Variants in LMBR1 observed in about 807,000 individuals in gnomAD.
LMBR1 encodes limb region 1 protein homolog.
LMBR1 carries 52 observed loss-of-function variants against 73.9 expected under a neutral mutation model. The observed-to-expected ratio is 0.70, with a 90% CI of 0.56 to 0.89. The LOEUF is 0.89. Among genes scored for constraint, LMBR1 ranks in the 40% least tolerant of loss-of-function variants. LMBR1 has a pLI of 0.00. For synonymous variants in LMBR1, 215 were observed against 209.4 expected, an observed-to-expected ratio of 1.03 and a Z score of -0.23; for missense variants, 539 against 579.8, an observed-to-expected ratio of 0.93 and a Z score of 0.72.
At chr7:156,830,068 T>A (rs1161439508) in intron 3 of LMBR1, among the ~76,000 whole-genome samples, 2 of 152,180 alleles carry the variant, frequency 1.3e-5, no homozygotes, top group Non-Finnish European at 2.9e-5. Flanking sequence ...ATCCATCAGA[T>A]CCTTTTTAAT....
chr7:156,871,763 A>C (rs1298137489), intron 1 of LMBR1, among the ~76,000 whole-genome samples: 1 of 152,244 alleles, frequency 6.6e-6, no homozygotes, highest in Non-Finnish European at 1.5e-5. Flanking sequence ...AAAAACTGTC[A>C]ACAAACTACA....
At chr7:156,713,647 G>C (rs1812576390) in intron 15 of LMBR1, among the ~76,000 whole-genome samples, 1 of 152,178 alleles carries the variant, frequency 6.6e-6, no homozygotes, top group South Asian at 2.1e-4. Flanking sequence ...TCTGAGGGGA[G>C]AAATGTTTGG....
intron 4 of LMBR1, among the ~76,000 whole-genome samples, chr7:156,810,863 C>T (rs1832973648): frequency 6.6e-6 from 1 of 151,652 alleles, no homozygotes; most frequent in South Asian, 2.1e-4. Context: ...GGCTGGAGTA[C>T]AGTGGCGCAA....
intron 12 of LMBR1, chr7:156,726,067 A>C: frequency 2.6e-6 from 1 of 390,694 alleles, no homozygotes; most frequent in Non-Finnish European, 4.6e-6. Context: ...CTTATCTCAA[A>C]TGTAATTTAA....
chr7:156,810,355 CA>C (rs1832883953), intron 4 of LMBR1, among the ~76,000 whole-genome samples: 1 of 152,174 alleles, frequency 6.6e-6, no homozygotes, highest in South Asian at 2.1e-4. Flanking sequence ...CTGGCCCAAA[CA>C]CCTCCCACTA....
At chr7:156,759,126 G>A (rs1485692066) in intron 8 of LMBR1, among the ~76,000 whole-genome samples, 3 of 152,188 alleles carry the variant, frequency 2.0e-5, no homozygotes, top group Admixed American at 1.3e-4. Context: ...AGTCATAACC[G>A]TGGCTTAAAT....
intron 4 of LMBR1, chr7:156,822,216 T>C (rs1029206292): frequency 2.0e-5 from 3 of 152,110 alleles, no homozygotes; most frequent in Admixed American, 1.3e-4. Context: ...AAACAGAAAG[T>C]AAAACTCAGC....
chr7:156,675,811 A>T (rs766800480), downstream of LMBR1: 3 of 1,614,142 alleles, frequency 1.9e-6, no homozygotes, highest in Non-Finnish European at 2.5e-6. Context: ...CAGTTGGAAG[A>T]AAAATGTGGC....
chr7:156,846,667 T>C (rs1421399339), intron 1 of LMBR1, among the ~76,000 whole-genome samples: 1 of 152,166 alleles, frequency 6.6e-6, no homozygotes, highest in Non-Finnish European at 1.5e-5. Context: ...GCAAGTTATT[T>C]TGTAGATATC....
At chr7:156,689,314 T>TATAGAATAGAATAACAAAGAAAGAATAG (rs778701316) in intron 15 of LMBR1, among the ~76,000 whole-genome samples, 23 of 152,300 alleles carry the variant, frequency 1.5e-4, no homozygotes, top group Non-Finnish European at 2.8e-4. Context: ...TTAGAATAAG[T>TATAGAATAGAATAACAAAGAAAGAATAG]AATAACAATC....
In LMBR1 at chr7:156,734,967, A is replaced by G. The variant is rs190422638; in HGVS notation, c.758-710T>C. 3.2e-3 allele frequency among the ~76,000 whole-genome samples: 482 copies of G among 152,356 alleles called. 2 individuals carry two copies. Among genetic ancestry groups the G allele is most frequent in the African/African-American group, 0.011 (454 of 41,580 alleles). On this transcript the variant is annotated intron_variant, in intron 9 of 16. Coordinates refer to ENST00000353442, the MANE Select transcript of LMBR1 (RefSeq NM_022458.4). ...TTACCATTTGCTTTCCTAGTCAATT[A>G]TATGTCCAAGTTGACAGCTGAATAA...
chr7:156,779,751 C>T, intron 5 of LMBR1: 1 of 1,210,120 alleles, frequency 8.3e-7, no homozygotes, highest in Non-Finnish European at 1.1e-6. Flanking sequence ...GATGTAAAAA[C>T]CACTTCATAC....
At chr7:156,687,435 T>G (rs1806215061) in intron 16 of LMBR1, among the ~76,000 whole-genome samples, 1 of 152,214 alleles carries the variant, frequency 6.6e-6, no homozygotes, top group Non-Finnish European at 1.5e-5. Flanking sequence ...TAAAAATACA[T>G]TCATAGGTTA....
intron 12 of LMBR1, 33 bp downstream of exon 12, chr7:156,727,897 A>G: frequency 1.3e-6 from 2 of 1,529,122 alleles, no homozygotes; most frequent in Non-Finnish European, 1.8e-6. Context: ...ATACTTTTGC[A>G]AAAGAAAGAC....
chr7:156,762,591 T>C lies in LMBR1; in HGVS notation c.620-393A>G, dbSNP rs575080753. ...GAATATCTAAAGGTGACAACCATAG[T>C]CTTAAGTCCTTTAAACTACATTTAT... On this transcript the variant is annotated intron_variant, in intron 7 of 16. Coordinates refer to ENST00000353442, the MANE Select transcript of LMBR1 (RefSeq NM_022458.4). 2.0e-4 allele frequency among the ~76,000 whole-genome samples: 31 copies of C among 152,334 alleles called. No individual in the cohort carries two copies. In the South Asian group the frequency reaches 3.1e-3, roughly 15 times the overall value.
intron 4 of LMBR1, chr7:156,823,714 TG>T (rs1835164816): frequency 6.6e-6 from 1 of 152,168 alleles, no homozygotes; most frequent in African/African-American, 2.4e-5. Flanking sequence ...CCACTAAAAA[TG>T]GTTTTGAAGA....
chr7:156,790,716 C>T (rs1829060172), intron 5 of LMBR1, among the ~76,000 whole-genome samples: 1 of 151,844 alleles, frequency 6.6e-6, no homozygotes, highest in African/African-American at 2.4e-5. Flanking sequence ...AGAACAGTGA[C>T]AAAATTAATG....
chr7:156,689,063 T>C (rs1192254300), intron 15 of LMBR1, among the ~76,000 whole-genome samples: 1 of 152,190 alleles, frequency 6.6e-6, no homozygotes, highest in Admixed American at 6.5e-5. Flanking sequence ...CTATACACAT[T>C]TGTAAAAGTA....
At chr7:156,691,590 TAA>T (rs768658571) in intron 15 of LMBR1, among the ~76,000 whole-genome samples, 1 of 152,148 alleles carries the variant, frequency 6.6e-6, no homozygotes, top group African/African-American at 2.4e-5. Flanking sequence ...AAAAAGTAGT[TAA>T]GAGAGAGTTT....
Sources: gnomAD v4.1 joint callset for allele counts (sites outside exome capture counted in the v4.1 genomes callset) on GRCh38, gnomAD v4.1.1 for gene constraint, MANE v1.5 for transcripts, NCBI Gene and HGNC (gene_info 2026-07-23, HGNC 2026-07-21) for gene names.